Variants in RIMS2 observed in about 807,000 individuals in gnomAD.
The protein encoded by RIMS2 is regulating synaptic membrane exocytosis 2, also known as regulating synaptic membrane exocytosis protein 2.
In RIMS2, 59 loss-of-function variants were observed where a neutral mutation model predicts 174.4. That is an observed-to-expected ratio of 0.34 (90% confidence interval 0.27 to 0.42). RIMS2 has a LOEUF of 0.42. Ranked by LOEUF, RIMS2 falls within the 10% of genes least tolerant of loss-of-function variation. The pLI, the probability that RIMS2 is intolerant of heterozygous loss-of-function variation, is 1.00. For missense variants in RIMS2, 1,620 were observed against 1,666.3 expected (o/e 0.97, Z 0.48); for synonymous variants, 606 against 572.5 (o/e 1.06, Z -0.84).
intron 1 of RIMS2, among the ~76,000 whole-genome samples, chr8:103,529,593 G>T (rs1230724168): frequency 6.6e-6 from 1 of 152,180 alleles, no homozygotes; most frequent in African/African-American, 2.4e-5. Context: ...GCGATGTCTT[G>T]CCCTGCTTCG....
At chr8:103,864,319 A>G (rs1461150897) in intron 3 of RIMS2, among the ~76,000 whole-genome samples, 1 of 151,986 alleles carries the variant, frequency 6.6e-6, no homozygotes, top group Non-Finnish European at 1.5e-5. Context: ...TTAATACTGT[A>G]CACTTTCCTC....
At chr8:103,749,272 C>T (rs534293203) in intron 2 of RIMS2, among the ~76,000 whole-genome samples, 10 of 151,888 alleles carry the variant, frequency 6.6e-5, no homozygotes, top group African/African-American at 1.9e-4. Context: ...CCAGCACGCC[C>T]GGCTAACTTT....
chr8:103,546,649 C>A (rs1330162133), intron 1 of RIMS2, among the ~76,000 whole-genome samples: 1 of 152,186 alleles, frequency 6.6e-6, no homozygotes, highest in African/African-American at 2.4e-5. Context: ...ATTTCCTCAG[C>A]AGATTCAAAA....
intron 1 of RIMS2, among the ~76,000 whole-genome samples, chr8:103,649,149 C>G (rs2096401810): frequency 6.6e-6 from 1 of 152,232 alleles, no homozygotes. Context: ...TGGAAATTCC[C>G]TAAGCATTTG....
chr8:104,183,152 C>T (rs1351040345), intron 19 of RIMS2, among the ~76,000 whole-genome samples: 1 of 151,698 alleles, frequency 6.6e-6, no homozygotes, highest in Non-Finnish European at 1.5e-5. Context: ...ACTTAGCCCA[C>T]TAGCTTTCTA....
intron 1 of RIMS2, among the ~76,000 whole-genome samples, chr8:103,682,783 A>T (rs1394792926): frequency 6.6e-6 from 1 of 152,114 alleles, no homozygotes; most frequent in Non-Finnish European, 1.5e-5. Context: ...TAGTACCTCA[A>T]ATTACTGTCT....
At chr8:104,070,728 T>G (rs767556077) in intron 19 of RIMS2, among the ~76,000 whole-genome samples, 1 of 152,200 alleles carries the variant, frequency 6.6e-6, no homozygotes, top group Non-Finnish European at 1.5e-5. Context: ...TGGTTTATAT[T>G]TTACTATACT....
intron 19 of RIMS2, among the ~76,000 whole-genome samples, chr8:104,095,115 A>G (rs561552521): frequency 6.6e-5 from 10 of 152,344 alleles, no homozygotes; most frequent in African/African-American, 2.4e-4. Context: ...AGACAAAAAT[A>G]AGGCAGAGTT....
intron 19 of RIMS2, among the ~76,000 whole-genome samples, chr8:104,075,241 G>A (rs891062349): frequency 6.6e-6 from 1 of 152,198 alleles, no homozygotes; most frequent in Non-Finnish European, 1.5e-5. Flanking sequence ...GCATGTGTAA[G>A]ATGGAATCCT....
intron 19 of RIMS2, among the ~76,000 whole-genome samples, chr8:104,024,319 C>T (rs2096194985): frequency 6.6e-6 from 1 of 152,116 alleles, no homozygotes; most frequent in Non-Finnish European, 1.5e-5. Context: ...GAATCAAAGA[C>T]TTTTAGATTT....
intron 3 of RIMS2, among the ~76,000 whole-genome samples, chr8:103,851,457 A>G (rs1480053614): frequency 6.6e-6 from 1 of 151,870 alleles, no homozygotes; most frequent in East Asian, 1.9e-4. Context: ...AATAATATAA[A>G]TGAAAAAAAT....
intron 1 of RIMS2, among the ~76,000 whole-genome samples, chr8:103,555,491 T>C (rs558834894): frequency 1.3e-5 from 2 of 152,230 alleles, no homozygotes; most frequent in Admixed American, 6.5e-5. Flanking sequence ...AACTAACATA[T>C]GATATAGCAG....
intron 1 of RIMS2, among the ~76,000 whole-genome samples, chr8:103,587,192 A>G (rs1432745068): frequency 6.6e-6 from 1 of 152,028 alleles, no homozygotes; most frequent in Non-Finnish European, 1.5e-5. Context: ...AATAACAAGT[A>G]TGAGATCAAA....
chr8:103,858,798 A>G (rs1229811259), intron 3 of RIMS2, among the ~76,000 whole-genome samples: 1 of 151,732 alleles, frequency 6.6e-6, no homozygotes, highest in Non-Finnish European at 1.5e-5. Flanking sequence ...AGTATACAGA[A>G]TTATAAGATT....
At chr8:104,225,927 C>T (rs1587827695) in intron 19 of RIMS2, among the ~76,000 whole-genome samples, 1 of 152,278 alleles carries the variant, frequency 6.6e-6, no homozygotes, top group South Asian at 2.1e-4. Flanking sequence ...TTGCGATTCT[C>T]TTAACACCTT....
At chr8:103,574,828 T>G (rs1674594445) in intron 1 of RIMS2, among the ~76,000 whole-genome samples, 1 of 152,222 alleles carries the variant, frequency 6.6e-6, no homozygotes, top group Admixed American at 6.5e-5. Context: ...AAATGTGTAC[T>G]TAATGATTAG....
chr8:103,873,280 CAG>C (rs2154513974), intron 3 of RIMS2, among the ~76,000 whole-genome samples: 1 of 152,218 alleles, frequency 6.6e-6, no homozygotes, highest in African/African-American at 2.4e-5. Flanking sequence ...AAGATGCTCA[CAG>C]AGAGTGTACA....
At chr8:104,228,634 C>T (rs926477941) in intron 19 of RIMS2, among the ~76,000 whole-genome samples, 1 of 152,156 alleles carries the variant, frequency 6.6e-6, no homozygotes, top group Non-Finnish European at 1.5e-5. Context: ...TGACTGCCAT[C>T]CATCCATTAT....
intron 19 of RIMS2, among the ~76,000 whole-genome samples, chr8:104,115,573 C>T (rs746715877): frequency 2.5e-4 from 38 of 152,050 alleles, no homozygotes; most frequent in Non-Finnish European, 4.4e-5. Context: ...ATCAAGATAA[C>T]GGATTTCTTC....
Sources: gnomAD v4.1 joint callset for allele counts (sites outside exome capture counted in the v4.1 genomes callset) on GRCh38, gnomAD v4.1.1 for gene constraint, MANE v1.5 for transcripts, NCBI Gene and HGNC (gene_info 2026-07-23, HGNC 2026-07-21) for gene names.